TNFAIP8: variants seen among roughly 807,000 people sequenced by gnomAD.
TNFAIP8 encodes tumor necrosis factor alpha-induced protein 8.
Under a neutral mutation model 13.3 loss-of-function variants are expected in TNFAIP8, and 7 were observed. The ratio of observed to expected loss-of-function variants is 0.52; its 90% confidence interval spans 0.30 to 0.99. The LOEUF (loss-of-function observed/expected upper bound fraction) is 0.99. Among genes scored for constraint, TNFAIP8 ranks in the 50% least tolerant of loss-of-function variants. TNFAIP8 has a pLI of 0.07. For missense variants in TNFAIP8, 258 were observed against 236.9 expected, an observed-to-expected ratio of 1.09 and a Z score of -0.58; for synonymous variants, 94 against 87.6, an observed-to-expected ratio of 1.07 and a Z score of -0.41.
At chr5:119,301,656 C>T (rs1372546259) in intron 1 of TNFAIP8, among the ~76,000 whole-genome samples, 1 of 152,080 alleles carries the variant, frequency 6.6e-6, no homozygotes, top group Non-Finnish European at 1.5e-5. Context: ...TTTTGTAGAA[C>T]TGTGATTTAT....
At chr5:119,360,651 A>G (rs546657817) in intron 1 of TNFAIP8, among the ~76,000 whole-genome samples, 1 of 152,166 alleles carries the variant, frequency 6.6e-6, no homozygotes, top group African/African-American at 2.4e-5. Context: ...AGCCCTTTCT[A>G]TCCTCTTTAA....
intron 1 of TNFAIP8, chr5:119,306,318 CTTTTTCTTTTTT>C (rs1749560523): frequency 1.6e-5 from 2 of 121,758 alleles, no homozygotes; most frequent in African/African-American, 8.3e-5. Context: ...TTCTTTCTTT[CTTTTTCTTTTTT>C]TTTTTTTTTT....
chr5:119,341,986 G>T (rs1327877386), intron 1 of TNFAIP8, among the ~76,000 whole-genome samples: 2 of 143,268 alleles, frequency 1.4e-5, no homozygotes, highest in Non-Finnish European at 2.9e-5. Context: ...CCCTACCCTT[G>T]TAACAGCCTT....
intron 1 of TNFAIP8, among the ~76,000 whole-genome samples, chr5:119,286,539 G>A (rs886838015): frequency 4.6e-5 from 7 of 151,502 alleles, no homozygotes; most frequent in African/African-American, 1.5e-4. Flanking sequence ...GGAGAATGGC[G>A]AGAACCCGGG....
intron 1 of TNFAIP8, among the ~76,000 whole-genome samples, chr5:119,371,214 A>G (rs1217032427): frequency 6.6e-6 from 1 of 152,170 alleles, no homozygotes; most frequent in Non-Finnish European, 1.5e-5. Context: ...TATAGAATAT[A>G]CCCTGCATTG....
intron 1 of TNFAIP8, among the ~76,000 whole-genome samples, chr5:119,316,518 C>A (rs760853049): frequency 4.6e-5 from 7 of 152,076 alleles, no homozygotes; most frequent in Non-Finnish European, 7.3e-5. Flanking sequence ...ATAAAGAAGA[C>A]CCTAGTGTGG....
intron 1 of TNFAIP8, among the ~76,000 whole-genome samples, chr5:119,270,252 A>G (rs1044962516): frequency 8.5e-5 from 13 of 152,268 alleles, no homozygotes; most frequent in African/African-American, 2.4e-4. Context: ...ATCCTGTATT[A>G]CACAGAAGTG....
At chr5:119,311,650 C>G (rs1749731157) in intron 1 of TNFAIP8, among the ~76,000 whole-genome samples, 1 of 134,958 alleles carries the variant, frequency 7.4e-6, no homozygotes, top group Non-Finnish European at 1.5e-5. Context: ...AATTGCGCCA[C>G]TGCACTCCAG....
In TNFAIP8 at chr5:119,324,232, G is replaced by A. The variant is rs1278372370; in HGVS notation, c.1+55325G>A. Among the ~76,000 whole-genome samples, 4 of 130,200 alleles carry A rather than the reference G, an allele frequency of 3.1e-5. No homozygotes were observed. In the Admixed American group the frequency reaches 3.6e-4, roughly 12 times the overall value. 85.4% of individuals were successfully genotyped at this position (130,200 alleles called of 152,430 possible). On this transcript the variant is annotated intron_variant, in intron 1 of 1. Coordinates refer to the TNFAIP8 transcript ENST00000274456. ...GGAGGCTGCAGTGAGCCGAGATCGC[G>A]CCACTGCACTCCAGCCTGAGCCACA...
intron 1 of TNFAIP8, among the ~76,000 whole-genome samples, chr5:119,365,479 C>T (rs1468404448): frequency 6.6e-6 from 1 of 152,162 alleles, no homozygotes; most frequent in Non-Finnish European, 1.5e-5. Context: ...GCTCAGTGCT[C>T]AGACAGCTTC....
chr5:119,324,734 A>T (rs1407287632), intron 1 of TNFAIP8, among the ~76,000 whole-genome samples: 3 of 147,730 alleles, frequency 2.0e-5, no homozygotes, highest in East Asian at 2.0e-4. Context: ...TTTGACCAAT[A>T]AAAAAAAAAG....
At chr5:119,355,801 G>A (rs1751379063), upstream of TNFAIP8, 3 of 518,124 alleles carry the variant, frequency 5.8e-6, no homozygotes, top group Non-Finnish European at 2.5e-6. Flanking sequence ...GCGTGCGCCC[G>A]GGCCGAGCCA....
intron 1 of TNFAIP8, among the ~76,000 whole-genome samples, chr5:119,329,383 A>G (rs1750310008): frequency 6.6e-6 from 1 of 152,216 alleles, no homozygotes; most frequent in South Asian, 2.1e-4. Context: ...CGTGAATGGC[A>G]GCTGTGGTGA....
intron 1 of TNFAIP8, among the ~76,000 whole-genome samples, chr5:119,337,940 G>C (rs796392909): frequency 1.3e-5 from 2 of 152,326 alleles, no homozygotes; most frequent in South Asian, 4.1e-4. Context: ...CGGAGCCGCA[G>C]GTGGACTTTG....
intron 1 of TNFAIP8, among the ~76,000 whole-genome samples, chr5:119,372,733 G>T (rs1281213839): frequency 2.0e-5 from 3 of 152,206 alleles, no homozygotes; most frequent in Admixed American, 1.3e-4. Context: ...GCCGAGGCAG[G>T]AGGATCACCT....
intron 1 of TNFAIP8, among the ~76,000 whole-genome samples, chr5:119,315,047 A>G (rs1237591941): frequency 6.9e-6 from 1 of 144,372 alleles, no homozygotes; most frequent in African/African-American, 2.9e-5. Flanking sequence ...ACGCCCGGCT[A>G]ATTTTTGTGT....
chr5:119,298,203 G>A (rs1417279824), intron 1 of TNFAIP8, among the ~76,000 whole-genome samples: 1 of 151,320 alleles, frequency 6.6e-6, no homozygotes, highest in Non-Finnish European at 1.5e-5. Flanking sequence ...TCCTAGCCTC[G>A]ATGGTCTTTA....
chr5:119,356,056 C>T lies in TNFAIP8; in HGVS notation c.-35C>T, dbSNP rs1249420709. 4 of 1,560,342 alleles carry T rather than the reference C, an allele frequency of 2.6e-6. No homozygotes were observed. The highest frequency in any genetic ancestry group is 2.6e-6 in the Non-Finnish European group (3 of 1,151,650). ...TGCGGCTCGTCCGAGTACATGTGAG[C>T]GGTAATCGCCCCTGCAGCTGGTTAT... On this transcript the variant is annotated 5_prime_UTR_variant, in exon 1 of 2. Coordinates refer to ENST00000504771, the MANE Select transcript of TNFAIP8 (RefSeq NM_014350.4).
At chr5:119,345,955 C>T (rs408095) in intron 1 of TNFAIP8, among the ~76,000 whole-genome samples, 98,342 of 152,022 alleles carry the variant, frequency 0.65, 32,219 homozygotes, top group African/African-American at 0.7. Flanking sequence ...GACTAGCTAA[C>T]AGGAAGTAAA....
Sources: gnomAD v4.1 joint callset for allele counts (sites outside exome capture counted in the v4.1 genomes callset) on GRCh38, gnomAD v4.1.1 for gene constraint, MANE v1.5 for transcripts, NCBI Gene and HGNC (gene_info 2026-07-23, HGNC 2026-07-21) for gene names.